DRC3: variants seen among roughly 807,000 people sequenced by gnomAD.
DRC3 encodes leucine rich repeat containing 48.
A neutral mutation model predicts 57.6 loss-of-function variants in DRC3; 45 were observed. That is an observed-to-expected ratio of 0.78 (90% CI 0.62 to 1.00). The LOEUF (loss-of-function observed/expected upper bound fraction) is 1.00. DRC3 is among the 50% of genes least tolerant of loss of function. The pLI is 0.00. For missense variants in DRC3, 655 were observed against 675.2 expected (o/e 0.97, Z 0.33); for synonymous variants, 257 against 272.3 (o/e 0.94, Z 0.55).
At chr17:17,989,298 T>C (rs1568481743) in intron 5 of DRC3, among the ~76,000 whole-genome samples, 1 of 152,082 alleles carries the variant, frequency 6.6e-6, no homozygotes, top group South Asian at 2.1e-4. Flanking sequence ...GGTGCAGGGT[T>C]GGGCTCAGGA....
chr17:17,990,945 C>G (rs967074617), intron 5 of DRC3, among the ~76,000 whole-genome samples: 2 of 152,026 alleles, frequency 1.3e-5, no homozygotes, highest in Admixed American at 6.6e-5. Flanking sequence ...GAGCCGAGAT[C>G]GCGCCACTGC....
rs1473051863 is a variant in DRC3, at chr17:18,007,006, C to T, written c.1203-18C>T. 1 of 1,612,308 alleles carries T rather than the reference C, an allele frequency of 6.2e-7. No homozygotes were observed. The highest frequency in any genetic ancestry group is 2.2e-5 in the East Asian group (1 of 44,810). ...CGGGCCTGCTCCTCCCGGGCCTTTG[C>T]TTAACTCGGGGCTGCACGATGGCTC... On this transcript the variant is annotated intron_variant, in intron 11 of 13. Transcript: ENST00000399187.
intron 12 of DRC3, chr17:18,007,507 A>C (rs898936237): frequency 3.2e-6 from 5 of 1,549,322 alleles, no homozygotes; most frequent in Non-Finnish European, 4.4e-6. Flanking sequence ...TCTTAACCTT[A>C]GAGTCTGTAT....
chr17:18,014,819 C>G (rs989937672), intron 12 of DRC3, among the ~76,000 whole-genome samples: 7 of 152,216 alleles, frequency 4.6e-5, no homozygotes, highest in Admixed American at 3.9e-4. Flanking sequence ...ACAGGCTTTA[C>G]ACACCTTTGA....
chr17:17,988,098 C>A lies in DRC3; in HGVS notation c.444C>A (p.Asn148Lys). The A allele has an allele frequency of 1.2e-6, 2 of 1,613,032 alleles. No individual in the cohort carries two copies. Among genetic ancestry groups the A allele is most frequent in the Non-Finnish European group, 1.7e-6 (2 of 1,179,598 alleles). Residue 148 changes from asparagine (N) to lysine (K), a missense_variant and splice_region_variant, in exon 5 of 14, where the codon AAC becomes AAA. Coordinates refer to ENST00000399187, the MANE Select transcript of DRC3 (RefSeq NM_031294.4). ...ACAACCGGATTGACAACATGATGAACGTGAGTGGCCGCCCAGCCCGCCCTC... is the reference window on the plus strand; with the variant it reads ...ACAACCGGATTGACAACATGATGAAAGTGAGTGGCCGCCCAGCCCGCCCTC... ...LGNNRIDNMMNIIYLRRFKCL... is the reference protein window; with the variant it reads ...LGNNRIDNMMKIIYLRRFKCL...
At chr17:18,006,378 T>G (rs1204342272) in intron 11 of DRC3, 125 bp downstream of exon 11, 1 of 707,228 alleles carries the variant, frequency 1.4e-6, no homozygotes, top group Admixed American at 2.2e-5. Context: ...AGAACAATGA[T>G]GGCCTGGTTA....
intron 3 of DRC3, chr17:17,977,995 C>G (rs891757004): frequency 2.3e-6 from 1 of 427,888 alleles, no homozygotes; most frequent in Non-Finnish European, 4.1e-6. Context: ...GAATAGAAAA[C>G]AAGATAAAAT....
intron 5 of DRC3, 74 bp downstream of exon 5, chr17:17,988,172 T>C: frequency 6.8e-7 from 1 of 1,463,854 alleles, no homozygotes; most frequent in Non-Finnish European, 9.3e-7. Flanking sequence ...TGGGGGTCTG[T>C]GGCTAGGGGA....
At chr17:17,980,304 C>T (rs1192991103) in intron 3 of DRC3, among the ~76,000 whole-genome samples, 6 of 148,860 alleles carry the variant, frequency 4.0e-5, no homozygotes, top group Admixed American at 6.8e-5. Flanking sequence ...TTTGTAGAGA[C>T]GGAGTCTCGC....
chr17:18,016,001 G>C (rs1009269271), intron 12 of DRC3, 63 bp from the exon 13 acceptor site: 1 of 1,578,544 alleles, frequency 6.3e-7, no homozygotes, highest in Non-Finnish European at 8.7e-7. Flanking sequence ...TCTCTGTTCA[G>C]CTCCCTTTGT....
chr17:17,990,696 T>C (rs938780514), intron 5 of DRC3, among the ~76,000 whole-genome samples: 2 of 152,238 alleles, frequency 1.3e-5, no homozygotes, highest in Non-Finnish European at 2.9e-5. Flanking sequence ...TTTTATTTAC[T>C]TTTTAAAACA....
At chr17:18,007,404 T>C in intron 12 of DRC3, 1 of 1,551,206 alleles carries the variant, frequency 6.4e-7, no homozygotes, top group East Asian at 2.4e-5. Context: ...ACAGGGTCGT[T>C]TCCAAAAGTT....
intron 11 of DRC3, 87 bp downstream of exon 11, chr17:18,006,340 CA>C: frequency 9.9e-7 from 1 of 1,006,176 alleles, no homozygotes; most frequent in Non-Finnish European, 1.5e-6. Context: ...GAATGTTCCA[CA>C]GGGTCTGAGG....
intron 9 of DRC3, among the ~76,000 whole-genome samples, chr17:18,001,065 GTTTCTTTCTTTTTTTCTT>G (rs1172622743): frequency 1.5e-4 from 23 of 151,158 alleles, no homozygotes; most frequent in Admixed American, 9.9e-4. Flanking sequence ...ACACCTGGCT[GTTTCTTTCTTTTTTTCTT>G]TTTCTTTCTT....
chr17:17,994,090 T>A, intron 6 of DRC3: 1 of 570,022 alleles, frequency 1.8e-6, no homozygotes, highest in Non-Finnish European at 2.9e-6. Flanking sequence ...TTCCCTGATT[T>A]CCCTGCGCTC....
At chr17:18,016,522 T>A in intron 13 of DRC3, 36 bp from the exon 14 acceptor site, 1 of 1,408,406 alleles carries the variant, frequency 7.1e-7, no homozygotes, top group Non-Finnish European at 1.0e-6. Flanking sequence ...ACCAATGATC[T>A]GATGTAAGGA....
chr17:17,974,448 C>G (rs542690997), intron 2 of DRC3, among the ~76,000 whole-genome samples: 2 of 152,162 alleles, frequency 1.3e-5, no homozygotes, highest in South Asian at 4.1e-4. Context: ...CTCGGCTCAC[C>G]GCAACCTCCG....
chr17:17,994,586 C>G (rs1374031593), intron 7 of DRC3, among the ~76,000 whole-genome samples, 168 bp downstream of exon 7: 1 of 152,208 alleles, frequency 6.6e-6, no homozygotes, highest in African/African-American at 2.4e-5. Flanking sequence ...GCTGTCTGCC[C>G]CAGGGCCAGC....
intron 3 of DRC3, among the ~76,000 whole-genome samples, chr17:17,983,215 C>A (rs2042794489): frequency 6.6e-6 from 1 of 152,200 alleles, no homozygotes; most frequent in Non-Finnish European, 1.5e-5. Context: ...CTTATCTCAT[C>A]CCCTACGTAT....
Sources: allele counts gnomAD v4.1 joint callset (sites outside exome capture counted in the v4.1 genomes callset), GRCh38; gene constraint gnomAD v4.1.1; transcripts MANE v1.5; gene names NCBI Gene and HGNC (gene_info 2026-07-23, HGNC 2026-07-21).